Variants in TEKT3 observed in about 807,000 individuals in gnomAD.
TEKT3 encodes the protein tektin 3.
Under a neutral mutation model 49.8 loss-of-function variants are expected in TEKT3, and 49 were observed. The observed-to-expected ratio is 0.98, with a 90% CI of 0.78 to 1.25. The LOEUF (loss-of-function observed/expected upper bound fraction) is 1.25. Among genes scored for constraint, TEKT3 ranks in the 50% most tolerant of loss-of-function variants. TEKT3 has a pLI of 0.00. For synonymous variants in TEKT3, 225 were observed against 237.2 expected (o/e 0.95, Z 0.47); for missense variants, 595 against 629.5 (o/e 0.95, Z 0.59).
At chr17:15,338,523 A>G (rs1353180881) in intron 2 of TEKT3, 1 of 144,618 alleles carries the variant, frequency 6.9e-6, no homozygotes, top group African/African-American at 2.6e-5. Flanking sequence ...TTTTTTTTTG[A>G]GATGGAGTCT....
intron 4 of TEKT3, among the ~76,000 whole-genome samples, chr17:15,326,818 G>T (rs1911513102): frequency 6.6e-6 from 1 of 152,228 alleles, no homozygotes; most frequent in South Asian, 2.1e-4. Context: ...AAATGATAGA[G>T]ATCTGTGGTA....
intron 5 of TEKT3, among the ~76,000 whole-genome samples, chr17:15,317,750 G>A (rs1911069333): frequency 6.6e-6 from 1 of 152,024 alleles, no homozygotes; most frequent in South Asian, 2.1e-4. Flanking sequence ...TTCCTATGCT[G>A]ACAGCTGTGA....
upstream of TEKT3, among the ~76,000 whole-genome samples, chr17:15,343,583 C>T (rs1399571986): frequency 2.0e-5 from 3 of 152,216 alleles, no homozygotes; most frequent in South Asian, 2.1e-4. Flanking sequence ...CAGCATGGGG[C>T]TTCCTACCTG....
At chr17:15,318,778 G>A (rs750612803) in intron 5 of TEKT3, among the ~76,000 whole-genome samples, 4 of 152,228 alleles carry the variant, frequency 2.6e-5, no homozygotes, top group African/African-American at 7.2e-5. Context: ...GGGCTCAAGC[G>A]ATTTTCCTGC....
chr17:15,330,957 C>A, intron 3 of TEKT3, 50 bp downstream of exon 3: 1 of 1,477,840 alleles, frequency 6.8e-7, no homozygotes, highest in South Asian at 1.4e-5. Flanking sequence ...GTAACTCAAC[C>A]AGTGGGTTAT....
chr17:15,325,677 C>G (rs996382571), intron 4 of TEKT3, among the ~76,000 whole-genome samples: 1 of 151,854 alleles, frequency 6.6e-6, no homozygotes, highest in African/African-American at 2.4e-5. Flanking sequence ...CAAAAAAAAT[C>G]TGTTGGAAAT....
intron 4 of TEKT3, among the ~76,000 whole-genome samples, chr17:15,321,930 G>A (rs1404025259): frequency 6.6e-6 from 1 of 152,168 alleles, no homozygotes; most frequent in Non-Finnish European, 1.5e-5. Context: ...GCTTGGGGAG[G>A]TGGAATAGAG....
chr17:15,343,376 A>AG (rs1285617367), upstream of TEKT3, among the ~76,000 whole-genome samples: 18 of 152,310 alleles, frequency 1.2e-4, no homozygotes, highest in Admixed American at 9.8e-4. Context: ...CTCAAAAAAA[A>AG]TTGTCTCATG....
chr17:15,337,725 C>T (rs1194046535), intron 2 of TEKT3, among the ~76,000 whole-genome samples: 1 of 152,086 alleles, frequency 6.6e-6, no homozygotes, highest in Non-Finnish European at 1.5e-5. Flanking sequence ...GCCTGTAATC[C>T]CAGCTACTCA....
intron 2 of TEKT3, among the ~76,000 whole-genome samples, chr17:15,332,417 G>A (rs563808044): frequency 1.3e-5 from 2 of 152,076 alleles, no homozygotes; most frequent in Admixed American, 6.5e-5. Context: ...TCTGTGCCTC[G>A]GTTGCTTCAC....
chr17:15,320,560 A>G (rs1257969937), intron 4 of TEKT3, among the ~76,000 whole-genome samples: 2 of 152,166 alleles, frequency 1.3e-5, no homozygotes, highest in African/African-American at 2.4e-5. Flanking sequence ...TTACTCACCT[A>G]TGTATTGTTC....
intron 2 of TEKT3, among the ~76,000 whole-genome samples, chr17:15,333,923 C>A (rs576758885): frequency 6.6e-6 from 1 of 151,538 alleles, no homozygotes; most frequent in East Asian, 1.9e-4. Context: ...CCACCATGCC[C>A]GGCTAATTTT....
chr17:15,338,480 A>T (rs2150755973), intron 2 of TEKT3: 1 of 148,436 alleles, frequency 6.7e-6, no homozygotes, highest in African/African-American at 2.5e-5. Flanking sequence ...TGATTAACTT[A>T]CTCTCTAAAT....
chr17:15,337,174 T>C (rs8074012), intron 2 of TEKT3, among the ~76,000 whole-genome samples: 6,522 of 152,118 alleles, frequency 0.043, 222 homozygotes, highest in African/African-American at 0.091. Context: ...GTATAATAAA[T>C]ACAATAGATA....
intron 7 of TEKT3, chr17:15,310,994 C>T (rs1910749962): frequency 6.6e-6 from 1 of 152,180 alleles, no homozygotes; most frequent in African/African-American, 2.4e-5. Context: ...TGTGGCCCCA[C>T]CTGGAACGGT....
intron 4 of TEKT3, among the ~76,000 whole-genome samples, chr17:15,325,793 G>C (rs1438647127): frequency 6.6e-6 from 1 of 152,176 alleles, no homozygotes; most frequent in Admixed American, 6.5e-5. Flanking sequence ...AAAGACCACA[G>C]GAGAGATGAT....
At position 15,314,087 on chromosome 17, in the gene TEKT3, G is replaced by A. The variant is rs946425010; in HGVS notation, c.878C>T (p.Thr293Ile). Residue 293 changes from threonine to isoleucine, a missense_variant and splice_region_variant, in exon 6 of 9, where the codon ACT becomes ATT. Coordinates refer to ENST00000395930, the MANE Select transcript of TEKT3 (RefSeq NM_031898.3). ...CAGCCGTGGCGTGTGCCTGACTTACGTTGCATCGACCCTCTCCACTCCGCG... is the reference window on the plus strand; with the variant it reads ...CAGCCGTGGCGTGTGCCTGACTTACATTGCATCGACCCTCTCCACTCCGCG... Reference protein sequence around the residue: ...YFRGVERVDATVSVPESWAKF... With the variant: ...YFRGVERVDAIVSVPESWAKF... 2.8e-5 allele frequency: 46 copies of A among 1,614,072 alleles called. No individual in the cohort carries two copies. The highest frequency in any genetic ancestry group is 3.9e-5 in the Non-Finnish European group (46 of 1,180,048).
At chr17:15,332,719 TTAGCAGAGTGTCGGACACA>T (rs1157726177) in intron 2 of TEKT3, among the ~76,000 whole-genome samples, 5 of 152,170 alleles carry the variant, frequency 3.3e-5, no homozygotes, top group African/African-American at 1.2e-4. Context: ...TTTAGAAGGA[TTAGCAGAGTGTCGGACACA>T]TAGAAAGTGT....
chr17:15,313,976 C>T (rs1008943679), intron 6 of TEKT3, 111 bp downstream of exon 6: 21 of 1,492,610 alleles, frequency 1.4e-5, no homozygotes, highest in Non-Finnish European at 1.9e-5. Flanking sequence ...GTGTTTCTCA[C>T]CTTCAGATAT....
Sources: gnomAD v4.1 joint callset for allele counts (sites outside exome capture counted in the v4.1 genomes callset) on GRCh38, gnomAD v4.1.1 for gene constraint, MANE v1.5 for transcripts, NCBI Gene and HGNC (gene_info 2026-07-23, HGNC 2026-07-21) for gene names.